The following NALCN variants were observed in gnomAD, a reference collection of about 807,000 sequenced individuals.
The protein encoded by NALCN is sodium leak channel NALCN.
Under a neutral mutation model 225.3 loss-of-function variants are expected in NALCN, and 111 were observed. The ratio of observed to expected loss-of-function variants is 0.49; its 90% CI spans 0.42 to 0.58. The LOEUF (loss-of-function observed/expected upper bound fraction) is 0.58. Ranked by LOEUF, NALCN falls within the 20% of genes least tolerant of loss-of-function variation. The pLI is 0.00. For missense variants in NALCN, 1,378 were observed against 2,202.4 expected, an observed-to-expected ratio of 0.63 and a Z score of 7.49; for synonymous variants, 764 against 769.0, an observed-to-expected ratio of 0.99 and a Z score of 0.11.
Position 101,104,562 on chromosome 13 carries a change from A to G in NALCN, c.2725T>C (p.Phe909Leu). The change falls in exon 24 of 44, where the codon TTT (phenylalanine) becomes CTT (leucine). Residue 909 changes from phenylalanine to leucine, a missense_variant. By Grantham distance (22) the Phe-to-Leu change is conservative. Coordinates refer to ENST00000251127, the MANE Select transcript of NALCN (RefSeq NM_052867.4). This position sits in a 1 kb window ranked among gnomAD's most constrained non-coding sequence, Gnocchi z 4.2. Reference protein sequence around the residue: ...SCISMMFESPFRRVMHAPTLQ... With the variant: ...SCISMMFESPLRRVMHAPTLQ... The stretch of plus-strand genomic sequence containing the variant: ...GTAGGTGCATGCATGACTCTTCGAA[A>G]CGGGGACTCAAACATCATGGAAATG... 1 of 1,614,018 alleles carries G rather than the reference A, an allele frequency of 6.2e-7. No homozygotes were observed. The highest frequency in any genetic ancestry group is 8.5e-7 in the Non-Finnish European group (1 of 1,179,918).
rs1312906244 is a variant in NALCN, at chr13:101,397,095, TATATATATATATATAC to T, written c.109-1746_109-1731del. Reference sequence around the variant, plus strand: ...ATATATATATATATATATATATATATATATATATATATATACATACACATACATATATATAATGTGT... The same window carrying T: ...ATATATATATATATATATATATATATATACACATACATATATATAATGTGT... On this transcript the variant is annotated intron_variant, in intron 2 of 43. Coordinates refer to ENST00000251127, the MANE Select transcript of NALCN (RefSeq NM_052867.4). Among the ~76,000 whole-genome samples the T allele has an allele frequency of 1.9e-3, 117 of 62,464 alleles. 1 individual carries two copies. Among genetic ancestry groups the T allele is most frequent in the Middle Eastern group, 0.012 (2 of 164 alleles). The allele number at this position is 62,464 out of a possible 152,430, so 41.0% of individuals were successfully genotyped here.
At chr13:101,256,839 C>G (rs2042246805) in intron 11 of NALCN, among the ~76,000 whole-genome samples, 1 of 150,056 alleles carries the variant, frequency 6.7e-6, no homozygotes, top group Non-Finnish European at 1.5e-5. Flanking sequence ...TCTTGGCTCA[C>G]TGCAACCTCC....
intron 16 of NALCN, 23 bp downstream of exon 16, chr13:101,144,737 C>T: frequency 1.3e-6 from 2 of 1,595,812 alleles, no homozygotes; most frequent in South Asian, 1.1e-5. Context: ...GTGAAATATG[C>T]AATTAAAGAA....
intron 6 of NALCN, among the ~76,000 whole-genome samples, chr13:101,351,756 T>C (rs1341507842): frequency 6.6e-6 from 1 of 152,206 alleles, no homozygotes; most frequent in Non-Finnish European, 1.5e-5. Context: ...AGGGATATAC[T>C]TAAGCAAAAG....
chr13:101,110,667 G>A lies in NALCN; in HGVS notation c.2316C>T (p.Asn772=). Residue 772 remains asparagine, a synonymous_variant, in exon 20 of 44, where the codon AAC becomes AAT. Coordinates refer to ENST00000251127, the MANE Select transcript of NALCN (RefSeq NM_052867.4). ...ATTTTCCCCTGCTGATCCTCTGGCT[G>A]TTTGATCCATGTCTTAGTGACCTAA... is the stretch of plus-strand genomic sequence containing the variant. The part of the protein sequence containing the change: ...QERRSLRHGS[N]SQRISRGKSL... 1.9e-6 allele frequency: 3 copies of A among 1,614,084 alleles called. No homozygotes were observed. The South Asian group carries it at 3.3e-5, about 18-fold the overall frequency.
intron 37 of NALCN, 48 bp from the exon 38 acceptor site, chr13:101,068,875 C>G: frequency 4.6e-6 from 7 of 1,513,856 alleles, no homozygotes; most frequent in Non-Finnish European, 6.2e-6. Context: ...GTAGAGAATA[C>G]AAATTTCTTT....
At chr13:101,346,087 C>CTCTCTCTCTCTA in intron 6 of NALCN, among the ~76,000 whole-genome samples, 159 of 70,938 alleles carry the variant, frequency 2.2e-3, no homozygotes, top group East Asian at 0.015. Flanking sequence ...CTCTCTCTCT[C>CTCTCTCTCTCTA]TATATATATA....
chr13:101,355,727 C>A (rs1473626273), intron 6 of NALCN, among the ~76,000 whole-genome samples: 1 of 152,144 alleles, frequency 6.6e-6, no homozygotes, highest in Non-Finnish European at 1.5e-5. Context: ...ACTCTCAACC[C>A]CAAATCAACA....
At chr13:101,060,033 A>G in intron 41 of NALCN, 66 bp from the exon 42 acceptor site, 1 of 1,576,238 alleles carries the variant, frequency 6.3e-7, no homozygotes, top group Non-Finnish European at 8.7e-7. Context: ...ACCGCCACAC[A>G]AATCTTATTT....
chr13:101,118,912 C>T (rs543673478), intron 18 of NALCN, among the ~76,000 whole-genome samples: 142 of 152,154 alleles, frequency 9.3e-4, no homozygotes, highest in Non-Finnish European at 1.8e-3. Context: ...TCAGGCCCTC[C>T]CAGCAGTGTA....
intron 7 of NALCN, among the ~76,000 whole-genome samples, chr13:101,293,428 G>A (rs1202900769): frequency 2.6e-5 from 4 of 152,146 alleles, no homozygotes; most frequent in Non-Finnish European, 5.9e-5. Flanking sequence ...ATATACCATT[G>A]AAGTTGTTTA....
intron 39 of NALCN, among the ~76,000 whole-genome samples, 174 bp downstream of exon 39, chr13:101,067,744 G>A (rs2032542007): frequency 6.6e-6 from 1 of 152,168 alleles, no homozygotes; most frequent in African/African-American, 2.4e-5. Context: ...AAGGAGGAAC[G>A]ATGCTGTCTC....
chr13:101,065,978 C>T (rs767098171), intron 39 of NALCN, among the ~76,000 whole-genome samples: 32 of 152,204 alleles, frequency 2.1e-4, no homozygotes, highest in Non-Finnish European at 4.3e-4. Context: ...GTGTAATCCT[C>T]CTCTTCACTC....
At chr13:101,360,747 G>A (rs760379671) in intron 6 of NALCN, among the ~76,000 whole-genome samples, 35 of 152,054 alleles carry the variant, frequency 2.3e-4, no homozygotes, top group South Asian at 6.2e-4. Flanking sequence ...ATGGTTGTCC[G>A]TCCCAGAAAA....
intron 6 of NALCN, among the ~76,000 whole-genome samples, chr13:101,358,522 GATT>G (rs1214933431): frequency 3.9e-5 from 6 of 152,112 alleles, no homozygotes; most frequent in Admixed American, 1.3e-4. Flanking sequence ...TCAGAACGGC[GATT>G]ATTAAAAAGT....
chr13:101,371,887 G>A (rs186942098), intron 6 of NALCN, among the ~76,000 whole-genome samples: 12 of 152,250 alleles, frequency 7.9e-5, no homozygotes, highest in African/African-American at 2.6e-4. Context: ...CTAAAACTAA[G>A]AATTTGTCAT....
At chr13:101,123,604 T>C (rs2036085761) in intron 18 of NALCN, among the ~76,000 whole-genome samples, 1 of 152,178 alleles carries the variant, frequency 6.6e-6, no homozygotes, top group African/African-American at 2.4e-5. Context: ...AAATGCTTAT[T>C]TTCATCCTAT....
chr13:101,411,216 C>T (rs76769579), intron 1 of NALCN, among the ~76,000 whole-genome samples: 8,694 of 118,576 alleles, frequency 0.073, 511 homozygotes, highest in African/African-American at 0.19. Context: ...TCTTTTTTTT[C>T]CTTTTTTTTT....
intron 18 of NALCN, among the ~76,000 whole-genome samples, chr13:101,120,747 G>A (rs2035936657): frequency 6.6e-6 from 1 of 152,182 alleles, no homozygotes; most frequent in African/African-American, 2.4e-5. Flanking sequence ...CTCAAATGTT[G>A]AACCAAAGCC....
Sources: gnomAD v4.1 joint callset for allele counts (sites outside exome capture counted in the v4.1 genomes callset) on GRCh38, gnomAD v4.1.1 for gene constraint, Gnocchi (gnomAD v3.1) non-coding constraint, MANE v1.5 for transcripts, NCBI Gene and HGNC (gene_info 2026-07-23, HGNC 2026-07-21) for gene names.